The following PDZRN4 variants were observed in gnomAD, a reference collection of about 807,000 sequenced individuals.
PDZRN4 encodes the protein PDZ domain-containing RING finger protein 4.
PDZRN4 carries 70 observed loss-of-function variants against 99.0 expected under a neutral mutation model. The ratio of observed to expected loss-of-function variants is 0.71; its 90% CI spans 0.58 to 0.86. PDZRN4 has a LOEUF of 0.86. PDZRN4 is among the 40% of genes least tolerant of loss of function. The pLI, the probability that PDZRN4 is intolerant of heterozygous loss-of-function variation, is 0.00. For missense variants in PDZRN4, 1,474 were observed against 1,331.2 expected (o/e 1.11, Z -1.67); for synonymous variants, 551 against 501.6 (o/e 1.10, Z -1.32).
At chr12:41,221,742 C>T (rs1186660663) in intron 3 of PDZRN4, among the ~76,000 whole-genome samples, 2 of 151,974 alleles carry the variant, frequency 1.3e-5, no homozygotes, top group South Asian at 2.1e-4. Context: ...GTGTGGCCTT[C>T]CTTTTCAAGT....
intron 3 of PDZRN4, among the ~76,000 whole-genome samples, chr12:41,431,638 CT>C (rs1952586941): frequency 6.6e-6 from 1 of 152,050 alleles, no homozygotes; most frequent in South Asian, 2.1e-4. Flanking sequence ...TAGTCTTCTT[CT>C]TTGAAATGTT....
intron 3 of PDZRN4, among the ~76,000 whole-genome samples, chr12:41,405,084 G>A (rs1952335234): frequency 6.6e-6 from 1 of 151,854 alleles, no homozygotes; most frequent in Admixed American, 6.6e-5. Context: ...GTCCCCAAAA[G>A]CAATTGCAAA....
chr12:41,292,325 T>C (rs1951461734), intron 3 of PDZRN4, among the ~76,000 whole-genome samples: 1 of 152,148 alleles, frequency 6.6e-6, no homozygotes, highest in Non-Finnish European at 1.5e-5. Flanking sequence ...CTAAGGATCA[T>C]TATTTGTAGG....
At chr12:41,220,436 G>A (rs1950947251) in intron 3 of PDZRN4, among the ~76,000 whole-genome samples, 2 of 152,058 alleles carry the variant, frequency 1.3e-5, no homozygotes, top group African/African-American at 4.8e-5. Flanking sequence ...GTCACATTTG[G>A]AGGTACTGAG....
intron 3 of PDZRN4, among the ~76,000 whole-genome samples, chr12:41,257,644 G>A (rs974161003): frequency 1.3e-5 from 2 of 152,200 alleles, no homozygotes; most frequent in Admixed American, 6.5e-5. Flanking sequence ...TGGCTAGAGA[G>A]GAAAGAGTAA....
Position 41,258,901 on chromosome 12 carries a change from G to A in PDZRN4, c.843+64713G>A, listed in dbSNP as rs77395320. Among the ~76,000 whole-genome samples, 1,315 of 152,062 alleles carry A rather than the reference G, an allele frequency of 8.6e-3. 21 individuals are homozygous for A. Among genetic ancestry groups the A allele is most frequent in the African/African-American group, 0.03 (1,252 of 41,478 alleles). The stretch of plus-strand genomic sequence containing the variant: ...AGTAGTGATGATGATGATGGAGATG[G>A]TAAATACAGACTTTAGCTCATTTTT... On this transcript the variant is annotated intron_variant, in intron 3 of 9. Transcript: ENST00000402685.
intron 3 of PDZRN4, among the ~76,000 whole-genome samples, chr12:41,310,764 A>G (rs1300731203): frequency 3.9e-5 from 6 of 152,236 alleles, no homozygotes; most frequent in Non-Finnish European, 8.8e-5. Context: ...TATTTTATTC[A>G]TGAGACAAAT....
At chr12:41,237,236 A>G (rs1270101327) in intron 3 of PDZRN4, among the ~76,000 whole-genome samples, 1 of 152,174 alleles carries the variant, frequency 6.6e-6, no homozygotes, top group East Asian at 1.9e-4. Context: ...CAGTCCAGAA[A>G]TACTTGATGA....
At chr12:41,554,298 C>A (rs1939107594) in intron 6 of PDZRN4, among the ~76,000 whole-genome samples, 1 of 152,110 alleles carries the variant, frequency 6.6e-6, no homozygotes, top group South Asian at 2.1e-4. Flanking sequence ...TCATGAATCA[C>A]CCTTCACTTC....
At chr12:41,273,435 A>G (rs1316943092) in intron 3 of PDZRN4, among the ~76,000 whole-genome samples, 1 of 152,094 alleles carries the variant, frequency 6.6e-6, no homozygotes, top group Non-Finnish European at 1.5e-5. Context: ...ATGTATTCTG[A>G]AAAGAAGAAA....
At chr12:41,341,470 A>C (rs1035663525) in intron 3 of PDZRN4, among the ~76,000 whole-genome samples, 2 of 151,864 alleles carry the variant, frequency 1.3e-5, no homozygotes, top group African/African-American at 4.8e-5. Flanking sequence ...ACACTGAAAA[A>C]CTGTTTGGAC....
chr12:41,205,626 A>G (rs903749137), intron 3 of PDZRN4, among the ~76,000 whole-genome samples: 4 of 151,794 alleles, frequency 2.6e-5, no homozygotes, highest in African/African-American at 9.7e-5. Flanking sequence ...CTCAGATATC[A>G]CCATTGCAGA....
At chr12:41,355,966 T>C (rs1242920483) in intron 3 of PDZRN4, among the ~76,000 whole-genome samples, 1 of 152,024 alleles carries the variant, frequency 6.6e-6, no homozygotes, top group African/African-American at 2.4e-5. Context: ...TTTAAAAGTA[T>C]AAATATGAAA....
intron 3 of PDZRN4, among the ~76,000 whole-genome samples, chr12:41,369,148 C>G (rs532207330): frequency 3.3e-5 from 5 of 151,906 alleles, no homozygotes; most frequent in Admixed American, 3.3e-4. Flanking sequence ...ATCTAATGAC[C>G]CTATCTTTAT....
At chr12:41,464,465 T>C (rs1952906200) in intron 3 of PDZRN4, among the ~76,000 whole-genome samples, 1 of 152,250 alleles carries the variant, frequency 6.6e-6, no homozygotes, top group South Asian at 2.1e-4. Context: ...AGAGCCAGTC[T>C]AGACATGAGA....
intron 3 of PDZRN4, among the ~76,000 whole-genome samples, chr12:41,290,033 A>G (rs1431802670): frequency 2.0e-5 from 3 of 152,170 alleles, no homozygotes; most frequent in Non-Finnish European, 4.4e-5. Flanking sequence ...CTGATTTGTG[A>G]GAAGCCACTG....
chr12:41,255,543 CTTGAGGAGGATG>C (rs1322286172), intron 3 of PDZRN4, among the ~76,000 whole-genome samples: 1 of 152,096 alleles, frequency 6.6e-6, no homozygotes, highest in East Asian at 1.9e-4. Flanking sequence ...ACCAACATGC[CTTGAGGAGGATG>C]TTGAGGGAAC....
intron 3 of PDZRN4, among the ~76,000 whole-genome samples, chr12:41,275,618 A>G (rs913858694): frequency 6.6e-6 from 1 of 152,024 alleles, no homozygotes; most frequent in African/African-American, 2.4e-5. Flanking sequence ...TGTAATTTTT[A>G]TTTATCTCCC....
At chr12:41,432,317 G>C (rs895960080) in intron 3 of PDZRN4, among the ~76,000 whole-genome samples, 1 of 152,154 alleles carries the variant, frequency 6.6e-6, no homozygotes, top group African/African-American at 2.4e-5. Flanking sequence ...ACTAAAAATG[G>C]TTTATGTTCA....
Sources: allele counts gnomAD v4.1 joint callset (sites outside exome capture counted in the v4.1 genomes callset), GRCh38; gene constraint gnomAD v4.1.1; transcripts MANE v1.5; gene names NCBI Gene and HGNC (gene_info 2026-07-23, HGNC 2026-07-21).